The following DCAF5 variants were observed in gnomAD, a reference collection of about 807,000 sequenced individuals.
The protein encoded by DCAF5 is DDB1 and CUL4 associated factor 5.
A neutral mutation model predicts 80.7 loss-of-function variants in DCAF5; 9 were observed. The ratio of observed to expected loss-of-function variants is 0.11; its 90% CI spans 0.07 to 0.19. The LOEUF (loss-of-function observed/expected upper bound fraction) is 0.19, where lower values mean the gene tolerates loss of function less well. Ranked by LOEUF, DCAF5 falls within the 10% of genes least tolerant of loss-of-function variation. The probability of loss-of-function intolerance (pLI) is 1.00; values close to 1 mark genes in which losing one functional copy is unlikely to be tolerated. For synonymous variants in DCAF5, 433 were observed against 461.9 expected, an observed-to-expected ratio of 0.94 and a Z score of 0.80; for missense variants, 842 against 1,205.7, an observed-to-expected ratio of 0.70 and a Z score of 4.47.
chr14:69,119,776 T>G (rs1433035418), intron 2 of DCAF5, among the ~76,000 whole-genome samples: 1 of 151,820 alleles, frequency 6.6e-6, no homozygotes, highest in East Asian at 1.9e-4. Flanking sequence ...CACTAAATGA[T>G]CATTGACAAA....
intron 8 of DCAF5, among the ~76,000 whole-genome samples, chr14:69,061,815 G>A (rs1390389685): frequency 6.6e-6 from 1 of 152,186 alleles, no homozygotes; most frequent in Non-Finnish European, 1.5e-5. Flanking sequence ...ACAAGGTAGT[G>A]TCTAGAAGAC....
chr14:69,071,783 T>C (rs2038701924), intron 7 of DCAF5, among the ~76,000 whole-genome samples: 1 of 152,198 alleles, frequency 6.6e-6, no homozygotes, highest in African/African-American at 2.4e-5. Context: ...CCCACAGATA[T>C]CTTGTTAGGC....
chr14:69,134,034 T>C (rs975316441), intron 1 of DCAF5, among the ~76,000 whole-genome samples: 2 of 152,290 alleles, frequency 1.3e-5, no homozygotes, highest in Non-Finnish European at 2.9e-5. Flanking sequence ...CAAATATCCC[T>C]TTCTCCTTAC....
rs1156441828 is a variant in DCAF5, at chr14:69,118,412, T to TA, written c.396-135_396-134insT. The TA allele has an allele frequency of 2.4e-5, 20 of 843,678 alleles. No individual in the cohort carries two copies. The highest frequency in any genetic ancestry group is 1.9e-4 in the South Asian group (6 of 32,306). 52.3% of individuals were successfully genotyped at this position (843,678 alleles called of 1,614,324 possible). A position where few individuals can be genotyped will look rare whatever the true frequency, so the allele number is the denominator to read the frequency against. ...TCAACCTAGCTAAACCCAAAAAATA[T>TA]TATATTTCCTGAAAGGTAGGTAGTC... On this transcript the variant is annotated intron_variant, in intron 3 of 8. Coordinates refer to ENST00000341516, the MANE Select transcript of DCAF5 (RefSeq NM_003861.3). The surrounding 1 kb of genome is among the most constrained non-coding windows in gnomAD (Gnocchi z 4.0).
chr14:69,150,159 C>T (rs1218007036), intron 1 of DCAF5, among the ~76,000 whole-genome samples: 1 of 151,898 alleles, frequency 6.6e-6, no homozygotes, highest in African/African-American at 2.4e-5. Context: ...AATGGAGGAG[C>T]GATGGAATAG....
chr14:69,081,433 T>C (rs1004404000), intron 6 of DCAF5, among the ~76,000 whole-genome samples: 1 of 152,220 alleles, frequency 6.6e-6, no homozygotes, highest in African/African-American at 2.4e-5. Flanking sequence ...CACATTCTGA[T>C]TCACCTCACT....
At chr14:69,090,172 AAAG>A in intron 6 of DCAF5, 1 of 938,504 alleles carries the variant, frequency 1.1e-6, no homozygotes. Flanking sequence ...AAAAGCAAAG[AAAG>A]AAGGAAAAAA....
At chr14:69,105,932 TATATATATATA>T (rs1442806900) in intron 5 of DCAF5, among the ~76,000 whole-genome samples, 10 of 101,840 alleles carry the variant, frequency 9.8e-5, no homozygotes, top group Admixed American at 7.3e-4. Context: ...TATATATATA[TATATATATATA>T]TATCTCCTAT....
At chr14:69,130,761 G>T (rs1175740582) in intron 1 of DCAF5, among the ~76,000 whole-genome samples, 1 of 152,090 alleles carries the variant, frequency 6.6e-6, no homozygotes, top group Non-Finnish European at 1.5e-5. Flanking sequence ...AGTAACAATG[G>T]GATTAGATAC....
intron 6 of DCAF5, among the ~76,000 whole-genome samples, chr14:69,086,330 C>T (rs904350074): frequency 6.6e-6 from 1 of 152,084 alleles, no homozygotes; most frequent in African/African-American, 2.4e-5. Flanking sequence ...TGCACTCCGG[C>T]CTGGGTGATA....
At chr14:69,084,632 T>C in intron 6 of DCAF5, 6 of 963,288 alleles carry the variant, frequency 6.2e-6, no homozygotes, top group Non-Finnish European at 9.7e-6. Flanking sequence ...ACTCTTTACA[T>C]TCCTTAAGAA....
rs978277073 is a variant in DCAF5 at position 69,075,417 on chromosome 14, G to A, written c.880-6C>T. 3 of 1,566,598 alleles carry A rather than the reference G, an allele frequency of 1.9e-6. No homozygotes were observed. Among genetic ancestry groups the A allele is most frequent in the Admixed American group, 1.7e-5 (1 of 58,792 alleles). On this transcript the variant is annotated splice_region_variant and splice_polypyrimidine_tract_variant and intron_variant, in intron 6 of 8. Coordinates refer to ENST00000341516, the MANE Select transcript of DCAF5 (RefSeq NM_003861.3). ...TCAGAGCCCGAAAGGATATACTGTT[G>A]GAACAAAAAATATATAGATAACATT... is the stretch of plus-strand genomic sequence containing the variant.
chr14:69,074,271 C>A (rs1747928775), intron 7 of DCAF5, among the ~76,000 whole-genome samples: 2 of 152,192 alleles, frequency 1.3e-5, no homozygotes, highest in Non-Finnish European at 2.9e-5. Flanking sequence ...TCACCTGGAA[C>A]AGGTGGCTAT....
At chr14:69,073,167 T>C (rs565593449) in intron 7 of DCAF5, among the ~76,000 whole-genome samples, 22 of 152,226 alleles carry the variant, frequency 1.4e-4, no homozygotes, top group African/African-American at 4.8e-4. Flanking sequence ...AGCAGAGGAA[T>C]TGACATAACT....
At chr14:69,066,090 T>C (rs764322497) in intron 7 of DCAF5, among the ~76,000 whole-genome samples, 5 of 151,962 alleles carry the variant, frequency 3.3e-5, no homozygotes, top group Non-Finnish European at 7.4e-5. Context: ...AACAGTCATT[T>C]CTCTGGGCCA....
In DCAF5 at chr14:69,052,712, T is replaced by C. The variant is rs181780918; in HGVS notation, c.*1145A>G. The C allele has an allele frequency of 2.6e-4, 39 of 152,332 alleles. No homozygotes were observed. In the East Asian group the frequency reaches 7.3e-3, roughly 29 times the overall value. The allele number at this position is 152,332 out of a possible 1,614,324, so 9.4% of individuals were successfully genotyped here. A position where few individuals can be genotyped will look rare whatever the true frequency, so the allele number is the denominator to read the frequency against. On this transcript the variant is annotated 3_prime_UTR_variant, in exon 9 of 9. Transcript: ENST00000341516. The stretch of plus-strand genomic sequence containing the variant: ...CTCCCCAACACCTTCTGACTCCTAA[T>C]AGACCTACTCAATAAGAATCTGTTA...
intron 5 of DCAF5, among the ~76,000 whole-genome samples, chr14:69,104,826 C>T (rs2040078736): frequency 6.6e-6 from 1 of 151,628 alleles, no homozygotes; most frequent in African/African-American, 2.4e-5. Context: ...CATTGCACTC[C>T]AGCCTGGGCA....
At chr14:69,070,708 T>C (rs1211438875) in intron 7 of DCAF5, among the ~76,000 whole-genome samples, 1 of 152,232 alleles carries the variant, frequency 6.6e-6, no homozygotes, top group African/African-American at 2.4e-5. Context: ...TTAGAGGTCT[T>C]AGACATATTC....
intron 6 of DCAF5, among the ~76,000 whole-genome samples, chr14:69,091,320 C>CT (rs901574177): frequency 1.2e-4 from 18 of 151,976 alleles, no homozygotes. Flanking sequence ...TTATTGGTTT[C>CT]TTTTTTTTAA....
Sources: allele counts gnomAD v4.1 joint callset (sites outside exome capture counted in the v4.1 genomes callset), GRCh38; gene constraint gnomAD v4.1.1; non-coding constraint Gnocchi (gnomAD v3.1); transcripts MANE v1.5; gene names NCBI Gene and HGNC (gene_info 2026-07-23, HGNC 2026-07-21).